VPS13A: variants seen among roughly 807,000 people sequenced by gnomAD.
VPS13A encodes the protein vacuolar protein sorting 13 homolog A, also known as intermembrane lipid transfer protein VPS13A.
A neutral mutation model predicts 390.9 loss-of-function variants in VPS13A; 264 were observed. The ratio of observed to expected loss-of-function variants is 0.68; its 90% CI spans 0.61 to 0.75. VPS13A has a LOEUF of 0.75. VPS13A is among the 30% of genes least tolerant of loss of function. The pLI, the probability that VPS13A is intolerant of heterozygous loss-of-function variation, is 0.00. For synonymous variants in VPS13A, 1,231 were observed against 1,227.1 expected (o/e 1.00, Z -0.07); for missense variants, 3,409 against 3,733.9 (o/e 0.91, Z 2.27).
chr9:77,300,717 A>AT (rs1304027273), intron 33 of VPS13A, among the ~76,000 whole-genome samples: 1 of 152,240 alleles, frequency 6.6e-6, no homozygotes, highest in Non-Finnish European at 1.5e-5. Flanking sequence ...GGATGACAAA[A>AT]TGAGACTGTC....
At chr9:77,271,016 T>G (rs1232869519) in intron 23 of VPS13A, among the ~76,000 whole-genome samples, 2 of 152,136 alleles carry the variant, frequency 1.3e-5, no homozygotes, top group African/African-American at 4.8e-5. Context: ...TAAATTGGAC[T>G]TTATAAAAAT....
chr9:77,314,033 C>T lies in VPS13A; in HGVS notation c.4156C>T (p.Arg1386Cys), dbSNP rs550891953. 88 of 1,613,224 alleles carry T rather than the reference C, an allele frequency of 5.5e-5. No homozygotes were observed. Among genetic ancestry groups the T allele is most frequent in the East Asian group, 1.1e-4 (5 of 44,746 alleles). ...AGCTGCTGTGGTAGAAGTACATTCA[C>T]GTGCCTTACTAGTTAAGACAACACT... The part of the protein sequence containing the change: ...VTAAVVEVHS[R>C]ALLVKTTLNI... The change falls in exon 36 of 72, where the codon CGT (arginine) becomes TGT (cysteine). Residue 1386 changes from arginine (R) to cysteine (C), a missense_variant. Physicochemically the swap from Arg to Cys is radical, Grantham distance 180 (BLOSUM62 -3). Around this residue, in one of 5 missense-constraint regions of VPS13A, gnomAD observed 2,717 missense variants for 2,917.4 expected, o/e 0.93. Coordinates refer to ENST00000360280, the MANE Select transcript of VPS13A (RefSeq NM_033305.3).
chr9:77,390,663 TTTGTTG>T (rs200982435), intron 68 of VPS13A, among the ~76,000 whole-genome samples: 7 of 113,678 alleles, frequency 6.2e-5, no homozygotes, highest in South Asian at 3.7e-4. Context: ...TCCCTCTCTT[TTTGTTG>T]TTGTTGTTGT....
chr9:77,248,912 A>G (rs540354372), intron 20 of VPS13A, among the ~76,000 whole-genome samples: 2 of 152,204 alleles, frequency 1.3e-5, no homozygotes, highest in Admixed American at 6.5e-5. Flanking sequence ...TTGTATTTTT[A>G]GTAGAGATGG....
At chr9:77,314,694 T>C in intron 37 of VPS13A, 30 bp downstream of exon 37, 1 of 1,599,592 alleles carries the variant, frequency 6.3e-7, no homozygotes, top group Non-Finnish European at 8.6e-7. Flanking sequence ...TCTAAGGTTT[T>C]ACTTGAGAAA....
intron 3 of VPS13A, 64 bp downstream of exon 3, chr9:77,201,471 A>G: frequency 7.8e-7 from 1 of 1,277,498 alleles, no homozygotes; most frequent in Non-Finnish European, 1.1e-6. Flanking sequence ...AATTTGCCTA[A>G]TATATCTATT....
chr9:77,407,975 G>A (rs1192989677), intron 71 of VPS13A, among the ~76,000 whole-genome samples: 1 of 152,090 alleles, frequency 6.6e-6, no homozygotes. Flanking sequence ...TTTTTCTACT[G>A]CATAGCTACC....
intron 9 of VPS13A, among the ~76,000 whole-genome samples, chr9:77,213,863 G>A (rs920465445): frequency 6.6e-6 from 1 of 152,104 alleles, no homozygotes; most frequent in Non-Finnish European, 1.5e-5. Context: ...TTGGTGAGAT[G>A]TTGTTTAACT....
At position 77,402,218 on chromosome 9, in the gene VPS13A, A is replaced by G. The variant is rs115286485; in HGVS notation, c.9190-1018A>G. 1.8e-3 allele frequency among the ~76,000 whole-genome samples: 275 copies of G among 152,268 alleles called. 1 individual carries two copies. Among genetic ancestry groups the G allele is most frequent in the African/African-American group, 6.3e-3 (260 of 41,554 alleles). ...TTGAAGTTAGGAACTTCTTCCATGC[A>G]ATTAATCTGTATGAGTCATCCTGCT... is the stretch of plus-strand genomic sequence containing the variant. On this transcript the variant is annotated intron_variant, in intron 68 of 71. Transcript: ENST00000360280.
chr9:77,177,853 G>A, intron 1 of VPS13A, 49 bp downstream of exon 1: 2 of 1,544,772 alleles, frequency 1.3e-6, no homozygotes, highest in Non-Finnish European at 8.8e-7. Context: ...CTTCCCGGCC[G>A]TCTCGCTGCC....
chr9:77,382,421 T>A (rs188146487), intron 68 of VPS13A: 3 of 1,420,876 alleles, frequency 2.1e-6, no homozygotes, highest in Non-Finnish European at 2.8e-6. Context: ...TTGGTAACTT[T>A]TAATAGGAAT....
intron 46 of VPS13A, among the ~76,000 whole-genome samples, chr9:77,334,559 ACT>A (rs917589894): frequency 1.3e-5 from 2 of 151,836 alleles, no homozygotes; most frequent in African/African-American, 4.8e-5. Context: ...AGAGCCAACC[ACT>A]CTGCCCTCAG....
chr9:77,300,185 T>C (rs188513963), intron 33 of VPS13A, among the ~76,000 whole-genome samples: 82 of 152,314 alleles, frequency 5.4e-4, no homozygotes, highest in African/African-American at 1.9e-3. Context: ...CATAAATTTT[T>C]CCAAATATTC....
At chr9:77,341,335 CAAAAAAGAA>C (rs991809694) in intron 50 of VPS13A, among the ~76,000 whole-genome samples, 5 of 150,778 alleles carry the variant, frequency 3.3e-5, no homozygotes, top group African/African-American at 1.2e-4. Flanking sequence ...CTTGCAATTG[CAAAAAAGAA>C]AAAAAAGAAA....
At position 77,316,323 on chromosome 9, in the gene VPS13A, A is replaced by G; in HGVS notation, c.4780A>G (p.Ser1594Gly). The G allele has an allele frequency of 6.2e-7, 1 of 1,613,304 alleles. No individual in the cohort carries two copies. ...TTGCTATAAAGGTAACCTTGAAAAT[A>G]GTACAATGACTGCTGCCATTAAAGA... ...EICYKGNLEN[S>G]TMTAAIKDLQ... Residue 1594 changes from serine (S) to glycine (G), a missense_variant, in exon 39 of 72, where the codon AGT (serine) becomes GGT (glycine). Ser to Gly is a moderately conservative substitution (Grantham distance 56). Transcript: ENST00000360280.
At chr9:77,218,644 C>CT (rs200685101) in intron 10 of VPS13A, among the ~76,000 whole-genome samples, 28,962 of 132,014 alleles carry the variant, frequency 0.22, 3,209 homozygotes, top group African/African-American at 0.26. Flanking sequence ...AGAACATTGC[C>CT]TTTTTTTTTT....
chr9:77,375,004 T>G (rs904610479), intron 67 of VPS13A, among the ~76,000 whole-genome samples: 4 of 152,078 alleles, frequency 2.6e-5, no homozygotes, highest in Non-Finnish European at 5.9e-5. Context: ...GCATTTAGAA[T>G]TAAGGTGGGG....
At chr9:77,227,321 A>G in intron 15 of VPS13A, 70 bp from the exon 16 acceptor site, 1 of 1,085,054 alleles carries the variant, frequency 9.2e-7, no homozygotes, top group Non-Finnish European at 1.4e-6. Flanking sequence ...CTGTTTATTA[A>G]AGGCAGATAC....
At chr9:77,377,946 C>T (rs1405011663) in intron 67 of VPS13A, among the ~76,000 whole-genome samples, 1 of 152,152 alleles carries the variant, frequency 6.6e-6, no homozygotes, top group Non-Finnish European at 1.5e-5. Context: ...CTTTGTTTCA[C>T]TAATGTAGTA....
Sources: allele counts gnomAD v4.1 joint callset (sites outside exome capture counted in the v4.1 genomes callset), GRCh38; gene constraint gnomAD v4.1.1; regional missense constraint gnomAD v4.1.1; transcripts MANE v1.5; gene names NCBI Gene and HGNC (gene_info 2026-07-23, HGNC 2026-07-21).